NALCN: variants seen among roughly 807,000 people sequenced by gnomAD.
The protein encoded by NALCN is sodium leak channel NALCN.
Under a neutral mutation model 225.3 loss-of-function variants are expected in NALCN, and 111 were observed. That is an observed-to-expected ratio of 0.49 (90% CI 0.42 to 0.58). NALCN has a LOEUF of 0.58. Among genes scored for constraint, NALCN ranks in the 20% least tolerant of loss-of-function variants. The pLI, the probability that NALCN is intolerant of heterozygous loss-of-function variation, is 0.00. For missense variants in NALCN, 1,378 were observed against 2,202.4 expected (o/e 0.63, Z 7.49); for synonymous variants, 764 against 769.0 (o/e 0.99, Z 0.11).
At chr13:101,316,004 T>C (rs184466840) in intron 7 of NALCN, among the ~76,000 whole-genome samples, 7 of 152,284 alleles carry the variant, frequency 4.6e-5, no homozygotes. Context: ...TCTTTCCATG[T>C]TATGCAGTGT....
At position 101,081,528 on chromosome 13, in the gene NALCN, A is replaced by T. The variant is rs1421592871; in HGVS notation, c.3884T>A (p.Leu1295Gln). The T allele has an allele frequency of 6.2e-7, 1 of 1,613,968 alleles. No individual in the cohort carries two copies. Among genetic ancestry groups the T allele is most frequent in the African/African-American group, 1.3e-5 (1 of 74,920 alleles). Reference protein sequence around the residue: ...VVWVVLHFALLNAYTYMMGAC... With the variant: ...VVWVVLHFALQNAYTYMMGAC... ...AATCAACTTGACTTCTATGCTTACCAGGAGGGCAAAGTGAAGCACCACCCA... is the reference window on the plus strand; with the variant it reads ...AATCAACTTGACTTCTATGCTTACCTGGAGGGCAAAGTGAAGCACCACCCA... Residue 1295 changes from leucine to glutamine, a missense_variant and splice_region_variant, in exon 34 of 44, where the codon CTG (leucine) becomes CAG (glutamine). Transcript: ENST00000251127.
At chr13:101,260,570 G>C (rs2042391591) in intron 10 of NALCN, among the ~76,000 whole-genome samples, 1 of 152,052 alleles carries the variant, frequency 6.6e-6, no homozygotes, top group Non-Finnish European at 1.5e-5. Context: ...ATTTTAACTG[G>C]GGTGATATGA....
At chr13:101,177,804 G>T (rs2039024016) in intron 14 of NALCN, among the ~76,000 whole-genome samples, 2 of 152,138 alleles carry the variant, frequency 1.3e-5, no homozygotes, top group Non-Finnish European at 2.9e-5. Context: ...AGGTCAGAAA[G>T]TTGAGATAAT....
chr13:101,250,515 A>G lies in NALCN; in HGVS notation c.1266+7928T>C, dbSNP rs555601278. Reference sequence around the variant, plus strand: ...CAGAAATTGCACTACAGGAGTGAGGAAAGAATGAATTTTCAATGAATCTTC... The same window carrying G: ...CAGAAATTGCACTACAGGAGTGAGGGAAGAATGAATTTTCAATGAATCTTC... On this transcript the variant is annotated intron_variant, in intron 11 of 43. Coordinates refer to ENST00000251127, the MANE Select transcript of NALCN (RefSeq NM_052867.4). 1.1e-4 allele frequency among the ~76,000 whole-genome samples: 16 copies of G among 152,166 alleles called. 1 individual carries two copies. The East Asian group carries it at 3.1e-3, about 29-fold the overall frequency.
intron 7 of NALCN, among the ~76,000 whole-genome samples, chr13:101,310,271 G>A (rs576784823): frequency 1.3e-4 from 20 of 152,258 alleles, no homozygotes; most frequent in Non-Finnish European, 2.6e-4. Flanking sequence ...AGGTCATTAC[G>A]TTGCCCTGGA....
rs567461943 is a variant in NALCN, at chr13:101,383,511, G to A, written c.292-4858C>T. On this transcript the variant is annotated intron_variant, in intron 3 of 43. Transcript: ENST00000251127. ...CGGATAATTTAAGGTTGTGTTTGCAGCACCCAGTACAGTGGGTGACATATA... is the reference window on the plus strand; with the variant it reads ...CGGATAATTTAAGGTTGTGTTTGCAACACCCAGTACAGTGGGTGACATATA... Among the ~76,000 whole-genome samples the A allele has an allele frequency of 2.0e-5, 3 of 152,310 alleles. No individual in the cohort carries two copies. The South Asian group carries it at 6.2e-4, about 32-fold the overall frequency.
At chr13:101,268,415 G>C (rs1445342595) in intron 10 of NALCN, among the ~76,000 whole-genome samples, 5 of 152,170 alleles carry the variant, frequency 3.3e-5, no homozygotes, top group Non-Finnish European at 7.3e-5. Context: ...TGGCATCTCT[G>C]AGTCTGCTGT....
intron 40 of NALCN, among the ~76,000 whole-genome samples, chr13:101,063,184 C>A (rs1242527974): frequency 6.6e-6 from 1 of 152,226 alleles, no homozygotes; most frequent in Non-Finnish European, 1.5e-5. Flanking sequence ...CTACCCACTT[C>A]TGTGAGCTCA....
rs555620540 is a variant in NALCN at position 101,194,932 on chromosome 13, A to C, written c.1627-2878T>G. 2.0e-5 allele frequency among the ~76,000 whole-genome samples: 3 copies of C among 152,342 alleles called. No individual in the cohort carries two copies. In the South Asian group the frequency reaches 6.2e-4, roughly 32 times the overall value. On this transcript the variant is annotated intron_variant, in intron 13 of 43. Transcript: ENST00000251127. ...GGAAGAAGAATTGCTTGAACCTGGG[A>C]GGCGGAGGTTTCAGTGAGCTGAGAT...
At position 101,354,060 on chromosome 13, in the gene NALCN, T is replaced by C. The variant is rs949987174; in HGVS notation, c.645-8640A>G. On this transcript the variant is annotated intron_variant, in intron 6 of 43. Coordinates refer to ENST00000251127, the MANE Select transcript of NALCN (RefSeq NM_052867.4). The stretch of plus-strand genomic sequence containing the variant: ...CATATTCAAAATAATATCAGAAAAG[T>C]TGGTCGGGTGCAGTGGCTCACGCCT... Among the ~76,000 whole-genome samples, 7 of 152,088 alleles carry C rather than the reference T, an allele frequency of 4.6e-5. No individual in the cohort carries two copies. The East Asian group carries it at 1.2e-3, about 25-fold the overall frequency.
intron 7 of NALCN, among the ~76,000 whole-genome samples, chr13:101,303,004 A>G (rs867384461): frequency 1.3e-5 from 2 of 152,240 alleles, no homozygotes; most frequent in African/African-American, 4.8e-5. Context: ...GTATATTCCT[A>G]CTTTTCCAGC....
At chr13:101,401,566 C>T (rs369813304) in intron 1 of NALCN, among the ~76,000 whole-genome samples, 5 of 152,132 alleles carry the variant, frequency 3.3e-5, no homozygotes, top group East Asian at 1.9e-4. Flanking sequence ...ATTATCAATA[C>T]GCCACCTAAA....
At chr13:101,204,028 C>T (rs1012597527) in intron 13 of NALCN, among the ~76,000 whole-genome samples, 5 of 152,146 alleles carry the variant, frequency 3.3e-5, no homozygotes, top group South Asian at 2.1e-4. Context: ...GATGTTAAAA[C>T]GCAATGGAAC....
chr13:101,357,115 G>A (rs1483323592), intron 6 of NALCN, among the ~76,000 whole-genome samples: 2 of 152,106 alleles, frequency 1.3e-5, no homozygotes, highest in Non-Finnish European at 2.9e-5. Flanking sequence ...CATTCTTTTT[G>A]AAAACTGGCA....
chr13:101,412,140 C>T (rs940396134), intron 1 of NALCN, among the ~76,000 whole-genome samples: 9 of 152,092 alleles, frequency 5.9e-5, no homozygotes. Flanking sequence ...TGTTTTGGTA[C>T]ATGATAACTT....
chr13:101,072,693 C>T (rs1453748191), intron 37 of NALCN, among the ~76,000 whole-genome samples: 2 of 152,264 alleles, frequency 1.3e-5, no homozygotes, highest in South Asian at 2.1e-4. Flanking sequence ...AAGACATAGG[C>T]GGCCCTATCT....
At chr13:101,379,837 AT>A (rs1039168788) in intron 3 of NALCN, among the ~76,000 whole-genome samples, 5 of 152,122 alleles carry the variant, frequency 3.3e-5, no homozygotes, top group African/African-American at 1.2e-4. Flanking sequence ...CATTCTGCAA[AT>A]TTTTTATAAT....
rs1287330262 is a variant in NALCN, at chr13:101,054,079, A to AATC, written c.*1213_*1215dup. ...AAAAACATCTGAACAGCAAATGTCC[A>AATC]ATCTGTAATAAAATAGTTAAAGGTC... On this transcript the variant is annotated 3_prime_UTR_variant, in exon 44 of 44. Coordinates refer to ENST00000251127, the MANE Select transcript of NALCN (RefSeq NM_052867.4). The AATC allele has an allele frequency of 6.6e-6, 1 of 152,224 alleles. No individual in the cohort carries two copies. 9.4% of individuals were successfully genotyped at this position (152,224 alleles called of 1,614,324 possible). A position where few individuals can be genotyped will look rare whatever the true frequency, so the allele number is the denominator to read the frequency against.
At chr13:101,388,605 C>T (rs575606592) in intron 3 of NALCN, among the ~76,000 whole-genome samples, 101 of 152,318 alleles carry the variant, frequency 6.6e-4, no homozygotes, top group African/African-American at 2.3e-3. Context: ...TGTTCTCTCA[C>T]TGCTCTGTTC....
Sources: gnomAD v4.1 joint callset for allele counts (sites outside exome capture counted in the v4.1 genomes callset) on GRCh38, gnomAD v4.1.1 for gene constraint, MANE v1.5 for transcripts, NCBI Gene and HGNC (gene_info 2026-07-23, HGNC 2026-07-21) for gene names.